The following HSPA12A variants were observed in gnomAD, a reference collection of about 807,000 sequenced individuals.
HSPA12A encodes the protein heat shock 70 kDa protein 12A.
HSPA12A carries 28 observed loss-of-function variants against 69.2 expected under a neutral mutation model. The ratio of observed to expected loss-of-function variants is 0.40; its 90% CI spans 0.30 to 0.55. The LOEUF is 0.55. Among genes scored for constraint, HSPA12A ranks in the 20% least tolerant of loss-of-function variants. The pLI, the probability that HSPA12A is intolerant of heterozygous loss-of-function variation, is 0.38. For synonymous variants in HSPA12A, 345 were observed against 370.5 expected (o/e 0.93, Z 0.79); for missense variants, 686 against 900.7 (o/e 0.76, Z 3.05).
At chr10:116,708,931 C>T (rs1025567252) in intron 1 of HSPA12A, among the ~76,000 whole-genome samples, 34 of 152,226 alleles carry the variant, frequency 2.2e-4, no homozygotes, top group African/African-American at 8.2e-4. Context: ...AATCCTTGAG[C>T]ATTGCTAGTG....
chr10:116,778,152 G>A (rs1469147076), intron 2 of HSPA12A, among the ~76,000 whole-genome samples: 2 of 152,284 alleles, frequency 1.3e-5, no homozygotes, highest in East Asian at 3.9e-4. Flanking sequence ...CAGCAGCTTG[G>A]GAAAGGGGAG....
chr10:116,849,711 G>C, exon 1 of HSPA12A: 1 of 1,532,064 alleles, frequency 6.5e-7, no homozygotes, highest in Non-Finnish European at 8.8e-7. Flanking sequence ...CCTCCAGCCT[G>C]CCGACGTCTA....
At chr10:116,846,925 C>T (rs1730055929) in intron 1 of HSPA12A, among the ~76,000 whole-genome samples, 1 of 152,096 alleles carries the variant, frequency 6.6e-6, no homozygotes, top group Non-Finnish European at 1.5e-5. Context: ...TGAGGTAGCT[C>T]CTTGCCTTCC....
intron 1 of HSPA12A, among the ~76,000 whole-genome samples, chr10:116,845,750 C>A (rs1234787831): frequency 1.3e-5 from 2 of 152,106 alleles, no homozygotes; most frequent in Non-Finnish European, 2.9e-5. Flanking sequence ...AATGCAATCA[C>A]CGAGGTACTA....
chr10:116,801,541 C>T (rs918753864), intron 2 of HSPA12A, among the ~76,000 whole-genome samples: 13 of 152,080 alleles, frequency 8.5e-5, no homozygotes, highest in African/African-American at 2.7e-4. Context: ...ACTGAAAAAA[C>T]GAACAGCTGC....
intron 1 of HSPA12A, among the ~76,000 whole-genome samples, chr10:116,709,172 C>A (rs929075680): frequency 4.6e-5 from 7 of 152,122 alleles, no homozygotes; most frequent in African/African-American, 1.7e-4. Flanking sequence ...ATAGGCTGGG[C>A]GCGGTGGCTC....
rs60393392 is a variant in HSPA12A at position 116,682,867 on chromosome 10, ATTTTT to A, written c.835+919_835+923del. 3.0e-3 allele frequency among the ~76,000 whole-genome samples: 352 copies of A among 117,686 alleles called. 3 individuals are homozygous for A. The highest frequency in any genetic ancestry group is 8.0e-3 in the African/African-American group (229 of 28,696). The allele number at this position is 117,686 out of a possible 152,430, so 77.2% of individuals were successfully genotyped here. On this transcript the variant is annotated intron_variant, in intron 7 of 11. Coordinates refer to ENST00000369209, the MANE Select transcript of HSPA12A (RefSeq NM_025015.3). ...AGGCACCCGCCACCTCGCCCGGCTA[ATTTTT>A]TTTTTTTTTTTTTTTTGTATTTTTA...
At chr10:116,681,716 G>A in intron 8 of HSPA12A, 75 bp downstream of exon 8, 1 of 1,353,358 alleles carries the variant, frequency 7.4e-7, no homozygotes, top group Non-Finnish European at 1.1e-6. Context: ...AAGTGCAAAA[G>A]GGACAAATGG....
intron 2 of HSPA12A, among the ~76,000 whole-genome samples, chr10:116,767,495 T>A (rs1481104937): frequency 6.6e-6 from 1 of 152,122 alleles, no homozygotes; most frequent in East Asian, 1.9e-4. Flanking sequence ...CAACATTATC[T>A]CCCGGCCCCT....
At chr10:116,694,610 C>T (rs1554880539) in intron 5 of HSPA12A, among the ~76,000 whole-genome samples, 1 of 152,138 alleles carries the variant, frequency 6.6e-6, no homozygotes, top group African/African-American at 2.4e-5. Context: ...GCACCAACAT[C>T]CTGGGCTTTC....
chr10:116,704,760 A>C (rs555633072), intron 3 of HSPA12A, among the ~76,000 whole-genome samples: 7 of 152,328 alleles, frequency 4.6e-5, no homozygotes, highest in African/African-American at 1.4e-4. Context: ...TTCACAGATG[A>C]GGAAACTGGG....
rs1346933605 is a variant in HSPA12A at position 116,674,289 on chromosome 10, T to A, written c.*492A>T. On this transcript the variant is annotated 3_prime_UTR_variant, in exon 12 of 12. Coordinates refer to ENST00000369209, the MANE Select transcript of HSPA12A (RefSeq NM_025015.3). ...TGAATCACCACTTTTAATCACATGA[T>A]GAGGAAAAGAAATTAACTGCAGATG... 6.2e-6 allele frequency: 1 copy of A among 162,326 alleles called. No homozygotes were observed. Among genetic ancestry groups the A allele is most frequent in the African/African-American group, 2.4e-5 (1 of 41,596 alleles). The allele number at this position is 162,326 out of a possible 1,614,324, so 10.1% of individuals were successfully genotyped here.
chr10:116,750,404 G>A (rs1363346215), intron 2 of HSPA12A: 2 of 691,320 alleles, frequency 2.9e-6, no homozygotes, highest in Non-Finnish European at 5.4e-6. Flanking sequence ...GAGCACAGAT[G>A]GAGGCTTGTC....
chr10:116,846,416 C>A (rs1845886016), intron 1 of HSPA12A, among the ~76,000 whole-genome samples: 1 of 151,116 alleles, frequency 6.6e-6, no homozygotes, highest in South Asian at 2.1e-4. Flanking sequence ...GTGGCACAAT[C>A]TCGGCTCACT....
chr10:116,748,339 G>A (rs561603143), intron 2 of HSPA12A, among the ~76,000 whole-genome samples: 1 of 152,320 alleles, frequency 6.6e-6, no homozygotes, highest in Non-Finnish European at 1.5e-5. Flanking sequence ...GAATAAGGGT[G>A]TTATCTGAGC....
chr10:116,735,835 T>TAA (rs67575935), intron 1 of HSPA12A, among the ~76,000 whole-genome samples: 4 of 137,046 alleles, frequency 2.9e-5, no homozygotes, highest in African/African-American at 8.1e-5. Flanking sequence ...TGTCCCTATT[T>TAA]AAAAAAAAAA....
intron 8 of HSPA12A, 93 bp downstream of exon 8, chr10:116,681,697 AT>A: frequency 8.8e-7 from 1 of 1,134,720 alleles, no homozygotes; most frequent in Non-Finnish European, 1.3e-6. Context: ...GAGTTTGAAC[AT>A]TTTCCAAAAG....
intron 3 of HSPA12A, among the ~76,000 whole-genome samples, chr10:116,704,381 G>A (rs1055103605): frequency 2.0e-5 from 3 of 149,512 alleles, no homozygotes; most frequent in Admixed American, 6.7e-5. Context: ...AACACCGCAT[G>A]TTCTCACTCA....
At chr10:116,684,720 T>A (rs1257211615) in intron 6 of HSPA12A, among the ~76,000 whole-genome samples, 1 of 152,186 alleles carries the variant, frequency 6.6e-6, no homozygotes, top group Non-Finnish European at 1.5e-5. Context: ...ATATATCACA[T>A]ATAGTAATAA....
Sources: gnomAD v4.1 joint callset for allele counts (sites outside exome capture counted in the v4.1 genomes callset) on GRCh38, gnomAD v4.1.1 for gene constraint, MANE v1.5 for transcripts, NCBI Gene and HGNC (gene_info 2026-07-23, HGNC 2026-07-21) for gene names.